CSMD3: variants seen among roughly 807,000 people sequenced by gnomAD.
CSMD3 encodes CUB and sushi domain-containing protein 3.
A neutral mutation model predicts 435.2 loss-of-function variants in CSMD3; 177 were observed. The observed-to-expected ratio is 0.41, with a 90% CI of 0.36 to 0.46. The LOEUF is 0.46. CSMD3 is among the 20% of genes least tolerant of loss of function. The pLI is 0.34. For synonymous variants in CSMD3, 1,656 were observed against 1,520.5 expected, an observed-to-expected ratio of 1.09 and a Z score of -2.07; for missense variants, 4,265 against 4,504.6, an observed-to-expected ratio of 0.95 and a Z score of 1.52.
chr8:113,029,739 C>A (rs931885295), intron 5 of CSMD3, among the ~76,000 whole-genome samples: 1 of 151,486 alleles, frequency 6.6e-6, no homozygotes, highest in African/African-American at 2.4e-5. Context: ...CCACTCTCAC[C>A]ACTCCTCTTC....
At chr8:112,611,458 T>C (rs1343848122) in intron 22 of CSMD3, among the ~76,000 whole-genome samples, 1 of 152,224 alleles carries the variant, frequency 6.6e-6, no homozygotes, top group African/African-American at 2.4e-5. Flanking sequence ...CATAAAAGTT[T>C]CTTTAGAGAC....
intron 24 of CSMD3, among the ~76,000 whole-genome samples, chr8:112,571,076 T>G (rs1829472139): frequency 6.6e-6 from 1 of 152,122 alleles, no homozygotes; most frequent in Admixed American, 6.5e-5. Context: ...GGCGCAATCT[T>G]GGCTCACTGC....
chr8:113,344,578 T>G (rs1054751536), intron 1 of CSMD3, among the ~76,000 whole-genome samples: 32 of 152,290 alleles, frequency 2.1e-4, no homozygotes, highest in African/African-American at 7.7e-4. Flanking sequence ...TTTATTTTAC[T>G]TTTCAGAAAT....
At chr8:112,763,107 C>A (rs1309519983) in intron 13 of CSMD3, among the ~76,000 whole-genome samples, 1 of 151,704 alleles carries the variant, frequency 6.6e-6, no homozygotes, top group Non-Finnish European at 1.5e-5. Flanking sequence ...TACCTACATT[C>A]ATTCATTCCA....
intron 5 of CSMD3, among the ~76,000 whole-genome samples, chr8:113,022,177 T>C (rs1186167437): frequency 1.3e-5 from 2 of 152,192 alleles, no homozygotes; most frequent in African/African-American, 4.8e-5. Flanking sequence ...ATTGAGAATA[T>C]ATGCCACTTG....
At chr8:112,236,911 C>T (rs925627856) in intron 67 of CSMD3, among the ~76,000 whole-genome samples, 1 of 151,938 alleles carries the variant, frequency 6.6e-6, no homozygotes, top group East Asian at 1.9e-4. Flanking sequence ...TGTATTCATA[C>T]CTAAATTAAA....
chr8:112,282,442 T>C (rs1275090641), intron 58 of CSMD3, among the ~76,000 whole-genome samples: 1 of 152,120 alleles, frequency 6.6e-6, no homozygotes, highest in Non-Finnish European at 1.5e-5. Flanking sequence ...TTTGGCCATG[T>C]TTACTTGTTA....
chr8:112,251,495 G>C (rs948222027), intron 63 of CSMD3, among the ~76,000 whole-genome samples: 5 of 151,406 alleles, frequency 3.3e-5, no homozygotes, highest in African/African-American at 1.2e-4. Context: ...GATTTTAATT[G>C]AAAGTAATTT....
In CSMD3 at chr8:113,319,029, A is replaced by G. The variant is rs527759713; in HGVS notation, c.179-4236T>C. ...AACATGGGAGTGCAGATATTTTTAC[A>G]TGGTGGTTCTTGTATCTCATTTTGG... is the stretch of plus-strand genomic sequence containing the variant. On this transcript the variant is annotated intron_variant, in intron 1 of 70. Coordinates refer to ENST00000297405, the MANE Select transcript of CSMD3 (RefSeq NM_198123.2). Among the ~76,000 whole-genome samples, 17 of 152,106 alleles carry G rather than the reference A, an allele frequency of 1.1e-4. No homozygotes were observed. The East Asian group carries it at 2.5e-3, about 22-fold the overall frequency.
intron 10 of CSMD3, among the ~76,000 whole-genome samples, chr8:112,886,218 T>G (rs1408090016): frequency 1.3e-5 from 2 of 151,654 alleles, no homozygotes; most frequent in Admixed American, 1.3e-4. Context: ...GAAACCAAAT[T>G]GCTTAGTAAA....
intron 56 of CSMD3, among the ~76,000 whole-genome samples, chr8:112,290,562 C>T (rs1162374890): frequency 6.6e-6 from 1 of 151,856 alleles, no homozygotes; most frequent in Non-Finnish European, 1.5e-5. Flanking sequence ...TTTACAGACA[C>T]AGCAAAAAGT....
At chr8:113,317,328 G>C (rs2093917820) in intron 1 of CSMD3, among the ~76,000 whole-genome samples, 2 of 152,118 alleles carry the variant, frequency 1.3e-5, no homozygotes, top group Admixed American at 6.5e-5. Flanking sequence ...CTAAAGGCAA[G>C]CATGAATCCC....
chr8:113,377,094 C>T (rs2133085357), intron 1 of CSMD3: 2 of 1,293,144 alleles, frequency 1.5e-6, no homozygotes, highest in African/African-American at 1.5e-5. Flanking sequence ...TGGCGCTGGA[C>T]TCCCCCAAGG....
intron 32 of CSMD3, among the ~76,000 whole-genome samples, chr8:112,454,681 A>G (rs1816647882): frequency 6.6e-6 from 1 of 152,108 alleles, no homozygotes. Flanking sequence ...AACAGTTTGG[A>G]GATTTTCCAA....
intron 6 of CSMD3, among the ~76,000 whole-genome samples, chr8:113,014,699 G>A (rs2086387205): frequency 6.6e-6 from 1 of 152,054 alleles, no homozygotes; most frequent in African/African-American, 2.4e-5. Context: ...GAAGGAGTCA[G>A]GGAATGTTTC....
chr8:112,754,090 A>G (rs892258081), intron 13 of CSMD3, among the ~76,000 whole-genome samples: 4 of 152,242 alleles, frequency 2.6e-5, no homozygotes, highest in Non-Finnish European at 4.4e-5. Context: ...GAAAGTGGCC[A>G]GACCTGAGCA....
At chr8:112,719,178 G>T (rs1172644617) in intron 13 of CSMD3, among the ~76,000 whole-genome samples, 1 of 152,154 alleles carries the variant, frequency 6.6e-6, no homozygotes, top group Non-Finnish European at 1.5e-5. Context: ...AACAGCAAGA[G>T]AATTAGAGGT....
At chr8:112,371,777 A>G (rs1828417744) in intron 38 of CSMD3, among the ~76,000 whole-genome samples, 1 of 151,872 alleles carries the variant, frequency 6.6e-6, no homozygotes, top group Non-Finnish European at 1.5e-5. Context: ...AATCCCAGCT[A>G]CTCAGGAGGC....
chr8:112,602,573 A>G (rs1337644764), intron 22 of CSMD3, among the ~76,000 whole-genome samples: 1 of 151,386 alleles, frequency 6.6e-6, no homozygotes, highest in Non-Finnish European at 1.5e-5. Flanking sequence ...TCTCAAAAAA[A>G]AAAAAAAAAA....
Sources: gnomAD v4.1 joint callset for allele counts (sites outside exome capture counted in the v4.1 genomes callset) on GRCh38, gnomAD v4.1.1 for gene constraint, MANE v1.5 for transcripts, NCBI Gene and HGNC (gene_info 2026-07-23, HGNC 2026-07-21) for gene names.